Variants in SYNPR observed in about 807,000 individuals in gnomAD.
SYNPR encodes synaptoporin.
Under a neutral mutation model 32.9 loss-of-function variants are expected in SYNPR, and 23 were observed. The observed-to-expected ratio is 0.70, with a 90% CI of 0.50 to 0.99. The LOEUF (loss-of-function observed/expected upper bound fraction) is 0.99, where lower values mean the gene tolerates loss of function less well. Among genes scored for constraint, SYNPR ranks in the 50% least tolerant of loss-of-function variants. The pLI is 0.00. For missense variants in SYNPR, 318 were observed against 349.3 expected, an observed-to-expected ratio of 0.91 and a Z score of 0.71; for synonymous variants, 146 against 135.9, an observed-to-expected ratio of 1.07 and a Z score of -0.52.
chr3:63,425,468 C>T (rs1699875851), intron 2 of SYNPR, among the ~76,000 whole-genome samples: 1 of 152,168 alleles, frequency 6.6e-6, no homozygotes, highest in South Asian at 2.1e-4. Flanking sequence ...TTTACAGTCC[C>T]AGGAGATAAC....
intron 3 of SYNPR, 133 bp downstream of exon 3, chr3:63,481,089 T>C: frequency 1.6e-6 from 2 of 1,265,066 alleles, no homozygotes; most frequent in Non-Finnish European, 2.1e-6. Context: ...ACCCACGGAA[T>C]GCCCAAACAC....
intron 2 of SYNPR, among the ~76,000 whole-genome samples, chr3:63,445,821 T>A (rs991928568): frequency 1.3e-5 from 2 of 152,208 alleles, no homozygotes; most frequent in African/African-American, 4.8e-5. Context: ...TGGTACAATC[T>A]ACAACAAACG....
rs376405823 is a variant in SYNPR, at chr3:63,582,580, A to G, written c.408+25839A>G. On this transcript the variant is annotated intron_variant, in intron 4 of 5. Coordinates refer to ENST00000478300, the MANE Select transcript of SYNPR (RefSeq NM_001130003.2). ...GTCAATTAGGAAAAAAGAGAAAAGC[A>G]GCATATATGTATTTCTTCTTTATTT... Among the ~76,000 whole-genome samples the G allele has an allele frequency of 1.1e-4, 17 of 152,078 alleles. 1 individual carries two copies. The highest frequency in any genetic ancestry group is 9.2e-4 in the Admixed American group (14 of 15,242).
chr3:63,612,488 G>A (rs1402305274), intron 5 of SYNPR, among the ~76,000 whole-genome samples: 1 of 152,126 alleles, frequency 6.6e-6, no homozygotes, highest in South Asian at 2.1e-4. Context: ...TCTAGATCTT[G>A]TCTCCCCATT....
chr3:63,402,133 G>C (rs2088301001), intron 2 of SYNPR, among the ~76,000 whole-genome samples: 1 of 152,090 alleles, frequency 6.6e-6, no homozygotes, highest in South Asian at 2.1e-4. Context: ...AGGAAGGAGA[G>C]GTTTGAAGAA....
chr3:63,258,550 T>A (rs1482599267), intron 2 of SYNPR, among the ~76,000 whole-genome samples: 1 of 152,096 alleles, frequency 6.6e-6, no homozygotes, highest in Non-Finnish European at 1.5e-5. Flanking sequence ...CATACCAGAA[T>A]CTCTGGGGCA....
intron 2 of SYNPR, among the ~76,000 whole-genome samples, chr3:63,258,437 A>G (rs1326502025): frequency 6.6e-6 from 1 of 152,212 alleles, no homozygotes; most frequent in East Asian, 1.9e-4. Context: ...CCACTCAACT[A>G]CATGGAAACT....
intron 4 of SYNPR, among the ~76,000 whole-genome samples, chr3:63,570,078 T>C (rs1349692698): frequency 6.6e-6 from 1 of 152,172 alleles, no homozygotes; most frequent in Non-Finnish European, 1.5e-5. Context: ...AAATAGTTGA[T>C]TCAAGATTGA....
At chr3:63,445,449 A>G in intron 2 of SYNPR, 1 of 640,402 alleles carries the variant, frequency 1.6e-6, no homozygotes, top group Non-Finnish European at 2.8e-6. Context: ...AAAATCTGTC[A>G]TAATCTCTTC....
chr3:63,225,573 G>A (rs372751325), upstream of SYNPR, among the ~76,000 whole-genome samples: 21 of 152,248 alleles, frequency 1.4e-4, no homozygotes, highest in South Asian at 4.1e-3. Flanking sequence ...TGAAAGGAAA[G>A]GGAGCAGAAG....
chr3:63,535,376 C>T (rs937629188), intron 3 of SYNPR, among the ~76,000 whole-genome samples: 4 of 152,138 alleles, frequency 2.6e-5, no homozygotes, highest in African/African-American at 7.2e-5. Flanking sequence ...CTACAATAAC[C>T]TGTGATTCCT....
chr3:63,558,991 T>C (rs905303529), intron 4 of SYNPR, among the ~76,000 whole-genome samples: 5 of 151,978 alleles, frequency 3.3e-5, no homozygotes, highest in Non-Finnish European at 1.5e-5. Context: ...CTGTTCATTA[T>C]AACAGAATAT....
chr3:63,423,649 C>T (rs1699839896), intron 2 of SYNPR: 1 of 152,212 alleles, frequency 6.6e-6, no homozygotes, highest in Non-Finnish European at 1.5e-5. Flanking sequence ...CTGGTCATGT[C>T]CCATCTTCTT....
At chr3:63,273,339 G>A (rs772432012), upstream of SYNPR, among the ~76,000 whole-genome samples, 2 of 152,042 alleles carry the variant, frequency 1.3e-5, no homozygotes, top group African/African-American at 2.4e-5. Context: ...TAGTCTCTTT[G>A]AACTGTGTTT....
intron 3 of SYNPR, among the ~76,000 whole-genome samples, chr3:63,507,241 T>TATTTGCATA (rs5849559): frequency 0.38 from 56,898 of 151,720 alleles, 10,827 homozygotes; most frequent in Non-Finnish European, 0.42. Context: ...AGAAACTGGA[T>TATTTGCATA]ATTTTAACCA....
At chr3:63,342,030 T>G (rs2087376547) in intron 2 of SYNPR, among the ~76,000 whole-genome samples, 1 of 152,234 alleles carries the variant, frequency 6.6e-6, no homozygotes, top group Non-Finnish European at 1.5e-5. Flanking sequence ...TTAATTTTTG[T>G]GGAAGTTAGG....
At chr3:63,308,858 T>C (rs1385402895) in intron 2 of SYNPR, among the ~76,000 whole-genome samples, 4 of 151,890 alleles carry the variant, frequency 2.6e-5, no homozygotes, top group South Asian at 2.1e-4. Flanking sequence ...ATTATAGTTT[T>C]ATAATTTTCA....
chr3:63,585,806 CTTTA>C (rs1026264372), intron 4 of SYNPR, among the ~76,000 whole-genome samples: 1 of 152,030 alleles, frequency 6.6e-6, no homozygotes, highest in African/African-American at 2.4e-5. Context: ...GGTATAAATT[CTTTA>C]TTATTTCAAC....
chr3:63,393,076 C>G (rs1481986475), intron 2 of SYNPR, among the ~76,000 whole-genome samples: 1 of 152,164 alleles, frequency 6.6e-6, no homozygotes, highest in Non-Finnish European at 1.5e-5. Flanking sequence ...AACTTGGACT[C>G]AACAATAAGT....
Sources: allele counts gnomAD v4.1 joint callset (sites outside exome capture counted in the v4.1 genomes callset), GRCh38; gene constraint gnomAD v4.1.1; transcripts MANE v1.5; gene names NCBI Gene and HGNC (gene_info 2026-07-23, HGNC 2026-07-21).